Variants in RYR2 observed in about 807,000 individuals in gnomAD.
The protein encoded by RYR2 is ryanodine receptor 2.
Under a neutral mutation model 601.1 loss-of-function variants are expected in RYR2, and 227 were observed. The observed-to-expected ratio is 0.38, with a 90% CI of 0.34 to 0.42. The LOEUF is 0.42. Ranked by LOEUF, RYR2 falls within the 10% of genes least tolerant of loss-of-function variation. RYR2 has a pLI of 1.00. For missense variants in RYR2, 4,646 were observed against 6,156.5 expected, an observed-to-expected ratio of 0.75 and a Z score of 8.21; for synonymous variants, 2,223 against 2,175.1, an observed-to-expected ratio of 1.02 and a Z score of -0.61.
intron 96 of RYR2, 66 bp downstream of exon 96, chr1:237,795,397 T>C: frequency 1.2e-6 from 1 of 802,788 alleles, no homozygotes; most frequent in Non-Finnish European, 2.0e-6. Flanking sequence ...TTGATGTGAT[T>C]CAGATGTAGA....
Position 237,387,450 on chromosome 1 carries a change from T to G in RYR2, c.676+70T>G, listed in dbSNP as rs1702033740. 3 of 1,360,738 alleles carry G rather than the reference T, an allele frequency of 2.2e-6. No homozygotes were observed. The African/African-American group carries it at 4.3e-5, about 19-fold the overall frequency. The allele number at this position is 1,360,738 out of a possible 1,614,324, so 84.3% of individuals were successfully genotyped here. On this transcript the variant is annotated intron_variant, in intron 9 of 104. Transcript: ENST00000366574. ...TTGACAGTCATCTTTGGAATTGTGA[T>G]AATGAGCTGATTGTTAATTAGAGCT...
intron 5 of RYR2, 62 bp downstream of exon 5, chr1:237,364,434 TATATATG>T: frequency 1.1e-6 from 1 of 895,680 alleles, no homozygotes; most frequent in East Asian, 2.8e-5. Flanking sequence ...ATATATGGAT[TATATATG>T]TATGTATCTG....
intron 66 of RYR2, among the ~76,000 whole-genome samples, chr1:237,703,737 C>T (rs928108761): frequency 4.8e-4 from 73 of 150,868 alleles, no homozygotes; most frequent in Non-Finnish European, 9.8e-4. Flanking sequence ...TATGTTTCTT[C>T]CCCTTAGTTT....
intron 12 of RYR2, among the ~76,000 whole-genome samples, chr1:237,435,679 A>T (rs930602888): frequency 1.3e-5 from 2 of 152,168 alleles, no homozygotes; most frequent in Non-Finnish European, 2.9e-5. Context: ...TCATAATTTG[A>T]TAGTTTAGTT....
chr1:237,404,689 G>T (rs1299147187), intron 10 of RYR2, among the ~76,000 whole-genome samples: 2 of 152,186 alleles, frequency 1.3e-5, no homozygotes, highest in Admixed American at 1.3e-4. Context: ...AAAGCTGAAA[G>T]AATGTTGCAA....
chr1:237,106,875 G>A lies in RYR2; in HGVS notation c.48+64306G>A, dbSNP rs1214351108. Among the ~76,000 whole-genome samples the A allele has an allele frequency of 6.6e-6, 1 of 152,136 alleles. No individual in the cohort carries two copies. Among genetic ancestry groups the A allele is most frequent in the Non-Finnish European group, 1.5e-5 (1 of 68,034 alleles). Reference sequence around the variant, plus strand: ...TTGCTGTGTTGTCACGTGTAGAAGGGACAAAGGAGCTCTCTGAAGTCCCTT... The same window carrying A: ...TTGCTGTGTTGTCACGTGTAGAAGGAACAAAGGAGCTCTCTGAAGTCCCTT... On this transcript the variant is annotated intron_variant, in intron 1 of 104. Transcript: ENST00000366574. This position sits in a 1 kb window ranked among gnomAD's most constrained non-coding sequence, Gnocchi z 4.4.
intron 35 of RYR2, among the ~76,000 whole-genome samples, chr1:237,603,757 G>C (rs543477341): frequency 6.6e-6 from 1 of 151,796 alleles, no homozygotes; most frequent in Non-Finnish European, 1.5e-5. Flanking sequence ...GAAAACAAAG[G>C]CAGGGATTGC....
chr1:237,188,985 C>T (rs1414306232), intron 1 of RYR2, among the ~76,000 whole-genome samples: 1 of 152,146 alleles, frequency 6.6e-6, no homozygotes, highest in Non-Finnish European at 1.5e-5. Flanking sequence ...AATCAATCTC[C>T]AGGACTTTTT....
chr1:237,755,197 C>T (rs1175591536), intron 80 of RYR2: 4 of 845,226 alleles, frequency 4.7e-6, no homozygotes, highest in Non-Finnish European at 6.4e-6. Context: ...TTTCTTTTCC[C>T]CCTCCTTTTA....
intron 29 of RYR2, among the ~76,000 whole-genome samples, chr1:237,578,736 T>A (rs1270843362): frequency 1.3e-5 from 1 of 75,992 alleles, no homozygotes; most frequent in African/African-American, 5.3e-5. Flanking sequence ...TGGGGGCATG[T>A]ACGCTCCCTC....
intron 1 of RYR2, among the ~76,000 whole-genome samples, chr1:237,226,850 C>T (rs1684418606): frequency 1.3e-5 from 2 of 152,036 alleles, no homozygotes; most frequent in African/African-American, 2.4e-5. Context: ...CTCACTGCAA[C>T]CTCCGCCTCC....
intron 6 of RYR2, 73 bp from the exon 7 acceptor site, chr1:237,374,644 G>A: frequency 7.8e-7 from 1 of 1,274,842 alleles, no homozygotes. Flanking sequence ...GAGCTACAGA[G>A]CAACCTTGTC....
At chr1:237,232,322 A>G (rs900795080) in intron 1 of RYR2, among the ~76,000 whole-genome samples, 8 of 152,136 alleles carry the variant, frequency 5.3e-5, no homozygotes, top group African/African-American at 1.7e-4. Flanking sequence ...CTCATTTCCA[A>G]TGGTTTATTC....
At chr1:237,380,409 TATATATATATATA>T (rs1701401505) in intron 8 of RYR2, among the ~76,000 whole-genome samples, 4 of 39,260 alleles carry the variant, frequency 1.0e-4, no homozygotes, top group Admixed American at 3.4e-4. Context: ...TATATATATA[TATATATATATATA>T]GTAAATACGA....
intron 1 of RYR2, among the ~76,000 whole-genome samples, chr1:237,270,003 G>A (rs1179157404): frequency 2.0e-5 from 3 of 152,148 alleles, no homozygotes; most frequent in Admixed American, 2.0e-4. Context: ...GAACTAAGAT[G>A]ACTTTTACCA....
intron 1 of RYR2, among the ~76,000 whole-genome samples, chr1:237,083,068 G>A (rs1361381111): frequency 6.6e-6 from 1 of 152,282 alleles, no homozygotes; most frequent in African/African-American, 2.4e-5. Context: ...CTGGGATGCA[G>A]TATGGGCCCA....
intron 25 of RYR2, among the ~76,000 whole-genome samples, chr1:237,546,813 C>A (rs1242952956): frequency 6.6e-6 from 1 of 151,628 alleles, no homozygotes; most frequent in African/African-American, 2.4e-5. Flanking sequence ...CAAATTTTTA[C>A]TGAATGCCTA....
chr1:237,053,112 G>C (rs577076942), intron 1 of RYR2, among the ~76,000 whole-genome samples: 1 of 152,272 alleles, frequency 6.6e-6, no homozygotes, highest in African/African-American at 2.4e-5. Context: ...CTCCCAAAGT[G>C]CTGGGATTAC....
Position 237,696,971 on chromosome 1 carries a change from T to C in RYR2, c.9068-1994T>C, listed in dbSNP as rs556482635. Among the ~76,000 whole-genome samples, 4 of 152,158 alleles carry C rather than the reference T, an allele frequency of 2.6e-5. No homozygotes were observed. In the South Asian group the frequency reaches 8.3e-4, roughly 32 times the overall value. On this transcript the variant is annotated intron_variant, in intron 63 of 104. Coordinates refer to ENST00000366574, the MANE Select transcript of RYR2 (RefSeq NM_001035.3). Reference sequence around the variant, plus strand: ...TAATTCTTTGAAAATATAAATCGTATCATATCCCATCCTGCTCAAAACCTA... The same window carrying C: ...TAATTCTTTGAAAATATAAATCGTACCATATCCCATCCTGCTCAAAACCTA...
Sources: allele counts gnomAD v4.1 joint callset (sites outside exome capture counted in the v4.1 genomes callset), GRCh38; gene constraint gnomAD v4.1.1; non-coding constraint Gnocchi (gnomAD v3.1); transcripts MANE v1.5; gene names NCBI Gene and HGNC (gene_info 2026-07-23, HGNC 2026-07-21).